Variants in PRPF38B observed in about 807,000 individuals in gnomAD.
The protein encoded by PRPF38B is pre-mRNA processing factor 38B, also known as pre-mRNA-splicing factor 38B.
A neutral mutation model predicts 67.2 loss-of-function variants in PRPF38B; 18 were observed. The ratio of observed to expected loss-of-function variants is 0.27; its 90% CI spans 0.19 to 0.40. The LOEUF (loss-of-function observed/expected upper bound fraction) is 0.40, where lower values mean the gene tolerates loss of function less well. Ranked by LOEUF, PRPF38B falls within the 10% of genes least tolerant of loss-of-function variation. The probability of loss-of-function intolerance (pLI) is 1.00; values close to 1 mark genes in which losing one functional copy is unlikely to be tolerated. For synonymous variants in PRPF38B, 246 were observed against 234.2 expected (o/e 1.05, Z -0.46); for missense variants, 544 against 684.9 (o/e 0.79, Z 2.30).
rs76243299 is a variant in PRPF38B, at chr1:108,698,506, T to C, written c.559-98T>C. The C allele has an allele frequency of 5.5e-3, 4,930 of 903,232 alleles. 155 individuals are homozygous for C. In the African/African-American group the frequency reaches 0.074, roughly 14 times the overall value. 56.0% of individuals were successfully genotyped at this position (903,232 alleles called of 1,614,324 possible). ...AATAAAATTTTTCTGTTAGTTTTTT[T>C]TGTATTGAGATTCCAAAGATGGTAA... On this transcript the variant is annotated intron_variant, in intron 4 of 5. Coordinates refer to ENST00000370025, the MANE Select transcript of PRPF38B (RefSeq NM_018061.4).
In PRPF38B at chr1:108,702,924, G is replaced by A. The variant is rs557288328; in HGVS notation, c.*2904G>A. ...TTGCAATTAAATTCTATACATGGGCGAGTATATCATCAATCTTAAACTTTT... is the reference window on the plus strand; with the variant it reads ...TTGCAATTAAATTCTATACATGGGCAAGTATATCATCAATCTTAAACTTTT... On this transcript the variant is annotated 3_prime_UTR_variant, in exon 6 of 6. Coordinates refer to ENST00000370025, the MANE Select transcript of PRPF38B (RefSeq NM_018061.4). 1.5e-4 allele frequency among the ~76,000 whole-genome samples: 23 copies of A among 152,222 alleles called. No homozygotes were observed. In the East Asian group the frequency reaches 2.3e-3, roughly 15 times the overall value.
intron 2 of PRPF38B, 60 bp from the exon 3 acceptor site, chr1:108,695,983 A>G (rs1570681834): frequency 1.2e-5 from 19 of 1,529,612 alleles, no homozygotes; most frequent in Admixed American, 5.4e-5. Flanking sequence ...GGATTAATCA[A>G]TTGGTGTTAA....
rs755687462 is a variant in PRPF38B, at chr1:108,699,741, G to A, written c.1362G>A (p.Glu454=). The A allele has an allele frequency of 2.5e-5, 41 of 1,613,544 alleles. No individual in the cohort carries two copies. Among genetic ancestry groups the A allele is most frequent in the South Asian group, 2.5e-4 (23 of 90,936 alleles). ...AGKRSRSRSK[E]KSSKHKNESK... is the part of the protein sequence containing the mutation. ...AACGAAGTAGAAGTAGAAGCAAAGA[G>A]AAATCAAGTAAACATAAAAATGAAA... Residue 454 remains glutamate, a synonymous_variant, in exon 6 of 6, where the codon GAG becomes GAA. Transcript: ENST00000370025.
In PRPF38B at chr1:108,699,239, G is replaced by T; in HGVS notation, c.860G>T (p.Gly287Val). The change falls in exon 6 of 6, where the codon GGG (glycine) becomes GTG (valine). Residue 287 changes from glycine to valine, a missense_variant. This residue lies in a region of PRPF38B where 387 missense variants were observed against 386.1 expected (regional missense o/e 1.00). Transcript: ENST00000370025. ...RSRSHHREGHGSSSFDRELER... is the reference protein window; with the variant it reads ...RSRSHHREGHVSSSFDRELER... ...AGAAGTCATCATCGGGAGGGCCATG[G>T]GTCTTCTAGTTTTGACAGAGAATTA... 1 of 1,614,112 alleles carries T rather than the reference G, an allele frequency of 6.2e-7. No individual in the cohort carries two copies. The highest frequency in any genetic ancestry group is 8.5e-7 in the Non-Finnish European group (1 of 1,180,030).
intron 1 of PRPF38B, 122 bp downstream of exon 1, chr1:108,692,989 G>A (rs746990353): frequency 1.6e-6 from 2 of 1,259,170 alleles, no homozygotes; most frequent in Non-Finnish European, 2.2e-6. Flanking sequence ...TTCGGCGGAG[G>A]GGTGGCTGCG....
chr1:108,692,747 C>G lies in PRPF38B; in HGVS notation c.156C>G (p.Asn52Lys). 6.2e-7 allele frequency: 1 copy of G among 1,614,018 alleles called. No homozygotes were observed. Among genetic ancestry groups the G allele is most frequent in the African/African-American group, 1.3e-5 (1 of 75,028 alleles). ...KQGNVLPLWGNEKTMNLNPMI... is the reference protein window; with the variant it reads ...KQGNVLPLWGKEKTMNLNPMI... ...GCAATGTGCTCCCGCTCTGGGGCAA[C>G]GAGAAGACCATGAACCTCAACCCCA... The change falls in exon 1 of 6, where the codon AAC becomes AAG. Residue 52 changes from asparagine (N) to lysine (K), a missense_variant. By Grantham distance (94) the Asn-to-Lys change is moderately conservative. Transcript: ENST00000370025.
chr1:108,694,565 A>G (rs1310153785), intron 1 of PRPF38B, among the ~76,000 whole-genome samples: 3 of 152,212 alleles, frequency 2.0e-5, no homozygotes, highest in African/African-American at 7.2e-5. Context: ...CTAGCTTTTA[A>G]GGAATTGAAA....
rs754591287 is a variant in PRPF38B at position 108,696,227 on chromosome 1, T to C, written c.497+33T>C. On this transcript the variant is annotated intron_variant, in intron 3 of 5. Coordinates refer to ENST00000370025, the MANE Select transcript of PRPF38B (RefSeq NM_018061.4). The stretch of plus-strand genomic sequence containing the variant: ...TACATTTATGTACATTTCCAGTAAA[T>C]ATCTCATTTTAATTCACATGTGTTT... 4 of 1,610,694 alleles carry C rather than the reference T, an allele frequency of 2.5e-6. No homozygotes were observed. In the East Asian group the frequency reaches 8.9e-5, roughly 36 times the overall value.
At chr1:108,695,601 T>C in intron 1 of PRPF38B, 101 bp from the exon 2 acceptor site, 1 of 1,131,210 alleles carries the variant, frequency 8.8e-7, no homozygotes, top group Non-Finnish European at 1.3e-6. Flanking sequence ...CAAAATAATT[T>C]TGGAAGAGCT....
At chr1:108,694,795 G>T (rs1449925019) in intron 1 of PRPF38B, among the ~76,000 whole-genome samples, 1 of 151,916 alleles carries the variant, frequency 6.6e-6, no homozygotes, top group East Asian at 1.9e-4. Context: ...CTTCCCAAAA[G>T]ACCTTTTTGG....
In PRPF38B at chr1:108,701,891, G is replaced by A. The variant is rs1465544496; in HGVS notation, c.*1871G>A. ...TAGTGCTATAGACACCCAGAAGTTA[G>A]AAAAACCTATTGTATAATATGAAAG... On this transcript the variant is annotated 3_prime_UTR_variant, in exon 6 of 6. Coordinates refer to ENST00000370025, the MANE Select transcript of PRPF38B (RefSeq NM_018061.4). The A allele has an allele frequency of 6.6e-6, 1 of 152,120 alleles. No individual in the cohort carries two copies. Among genetic ancestry groups the A allele is most frequent in the Non-Finnish European group, 1.5e-5 (1 of 68,030 alleles). 9.4% of individuals were successfully genotyped at this position (152,120 alleles called of 1,614,324 possible). A position where few individuals can be genotyped will look rare whatever the true frequency, so the allele number is the denominator to read the frequency against.
rs145199738 is a variant in PRPF38B at position 108,693,940 on chromosome 1, G to T, written c.276+1073G>T. ...TTCACTCTTAAAAACTTGACAGACC[G>T]CACAAAGTGTTTTCTATCATTTGAA... On this transcript the variant is annotated intron_variant, in intron 1 of 5. Transcript: ENST00000370025. Among the ~76,000 whole-genome samples the T allele has an allele frequency of 1.3e-3, 193 of 152,270 alleles. 1 individual carries two copies. The highest frequency in any genetic ancestry group is 4.4e-3 in the African/African-American group (184 of 41,538).
At chr1:108,693,730 C>A (rs1276097962) in intron 1 of PRPF38B, 4 of 793,080 alleles carry the variant, frequency 5.0e-6, no homozygotes, top group Non-Finnish European at 6.1e-6. Flanking sequence ...GTTTTTTTGG[C>A]CATTGCTTTT....
In PRPF38B at chr1:108,701,104, A is replaced by G. The variant is rs1170869415; in HGVS notation, c.*1084A>G. ...CATTATTTAAGACTATCAGCAAATT[A>G]TTTGATAGATTGTTCTTACAACTTG... On this transcript the variant is annotated 3_prime_UTR_variant, in exon 6 of 6. Transcript: ENST00000370025. 1 of 152,658 alleles carries G rather than the reference A, an allele frequency of 6.6e-6. No homozygotes were observed. The highest frequency in any genetic ancestry group is 1.5e-5 in the Non-Finnish European group (1 of 68,048). The allele number at this position is 152,658 out of a possible 1,614,324, so 9.5% of individuals were successfully genotyped here.
chr1:108,692,863 T>G lies in PRPF38B; in HGVS notation c.272T>G (p.Phe91Cys). 6.2e-7 allele frequency: 1 copy of G among 1,613,968 alleles called. No individual in the cohort carries two copies. The highest frequency in any genetic ancestry group is 8.5e-7 in the Non-Finnish European group (1 of 1,179,886). Residue 91 changes from phenylalanine to cysteine, a missense_variant, in exon 1 of 6, where the codon TTT becomes TGT. Coordinates refer to ENST00000370025, the MANE Select transcript of PRPF38B (RefSeq NM_018061.4). ...TYHEVVDEIY[F>C]KVTHVEPWEK... ...CACGAGGTGGTGGACGAGATCTACT[T>G]TAAGGTACGAAGTGTGTAGGCCTTG...
chr1:108,694,872 C>A (rs991476545), intron 1 of PRPF38B, among the ~76,000 whole-genome samples: 1 of 151,984 alleles, frequency 6.6e-6, no homozygotes, highest in African/African-American at 2.4e-5. Flanking sequence ...TAGATAAGGA[C>A]TAGTTTTTGT....
At position 108,695,744 on chromosome 1, in the gene PRPF38B, G is replaced by T. The variant is rs1305263031; in HGVS notation, c.319G>T (p.Ala107Ser). ...EPWEKGSRKT[A>S]GQTGMCGGVR... ...ATGGGAGAAAGGAAGCAGGAAAACA[G>T]CGGGCCAGACAGGGATGTGCGGAGG... The change falls in exon 2 of 6, where the codon GCG becomes TCG. Residue 107 changes from alanine to serine, a missense_variant. By Grantham distance (99) the Ala-to-Ser change is moderately conservative. Transcript: ENST00000370025. 1.2e-6 allele frequency: 2 copies of T among 1,613,906 alleles called. No individual in the cohort carries two copies. Among genetic ancestry groups the T allele is most frequent in the Non-Finnish European group, 1.7e-6 (2 of 1,179,908 alleles).
In PRPF38B at chr1:108,700,781, T is replaced by C. The variant is rs950813093; in HGVS notation, c.*761T>C. 1 of 152,624 alleles carries C rather than the reference T, an allele frequency of 6.6e-6. No homozygotes were observed. Among genetic ancestry groups the C allele is most frequent in the Admixed American group, 6.5e-5 (1 of 15,280 alleles). 9.5% of individuals were successfully genotyped at this position (152,624 alleles called of 1,614,324 possible). On this transcript the variant is annotated 3_prime_UTR_variant, in exon 6 of 6. Coordinates refer to ENST00000370025, the MANE Select transcript of PRPF38B (RefSeq NM_018061.4). ...ATGTAATCTTTTTTTCTTGAATTCTTTCTCAGATTTTAAAGTACTATATTA... is the reference window on the plus strand; with the variant it reads ...ATGTAATCTTTTTTTCTTGAATTCTCTCTCAGATTTTAAAGTACTATATTA...
rs1457042686 is a variant in PRPF38B at position 108,701,093 on chromosome 1, A to C, written c.*1073A>C. 1 of 152,664 alleles carries C rather than the reference A, an allele frequency of 6.6e-6. No individual in the cohort carries two copies. The highest frequency in any genetic ancestry group is 1.9e-4 in the East Asian group (1 of 5,196). 9.5% of individuals were successfully genotyped at this position (152,664 alleles called of 1,614,324 possible). ...ATGCTGTGCTGCATTATTTAAGACT[A>C]TCAGCAAATTATTTGATAGATTGTT... On this transcript the variant is annotated 3_prime_UTR_variant, in exon 6 of 6. Transcript: ENST00000370025.
Sources: gnomAD v4.1 joint callset for allele counts (sites outside exome capture counted in the v4.1 genomes callset) on GRCh38, gnomAD v4.1.1 for gene constraint, gnomAD v4.1.1 regional missense constraint, MANE v1.5 for transcripts, NCBI Gene and HGNC (gene_info 2026-07-23, HGNC 2026-07-21) for gene names.